Variants in MAGI1 observed in about 807,000 individuals in gnomAD.
MAGI1 encodes the protein membrane-associated guanylate kinase, WW and PDZ domain-containing protein 1.
In MAGI1, 58 loss-of-function variants were observed where a neutral mutation model predicts 139.9. That is an observed-to-expected ratio of 0.41 (90% confidence interval 0.34 to 0.52). The LOEUF (loss-of-function observed/expected upper bound fraction) is 0.52. Ranked by LOEUF, MAGI1 falls within the 20% of genes least tolerant of loss-of-function variation. MAGI1 has a pLI of 0.12. For synonymous variants in MAGI1, 812 were observed against 737.9 expected (o/e 1.10, Z -1.63); for missense variants, 1,874 against 1,901.6 (o/e 0.99, Z 0.27).
chr3:65,969,607 G>T (rs1345027656), intron 1 of MAGI1, among the ~76,000 whole-genome samples: 1 of 152,134 alleles, frequency 6.6e-6, no homozygotes, highest in Non-Finnish European at 1.5e-5. Flanking sequence ...GCACTCACAA[G>T]GTGACCCCTT....
intron 1 of MAGI1, among the ~76,000 whole-genome samples, chr3:65,637,657 GTTGAGAT>G (rs1396220536): frequency 1.3e-5 from 2 of 152,176 alleles, no homozygotes; most frequent in Non-Finnish European, 2.9e-5. Context: ...ATTCCAAATT[GTTGAGAT>G]TTGATATGCA....
At chr3:65,717,964 A>G (rs893299715) in intron 1 of MAGI1, among the ~76,000 whole-genome samples, 1 of 152,126 alleles carries the variant, frequency 6.6e-6, no homozygotes, top group Non-Finnish European at 1.5e-5. Context: ...TTTTCCCCCA[A>G]GCTTCTACTA....
At chr3:65,981,616 C>T (rs139526773) in intron 1 of MAGI1, among the ~76,000 whole-genome samples, 1 of 152,286 alleles carries the variant, frequency 6.6e-6, no homozygotes, top group Non-Finnish European at 1.5e-5. Context: ...TGAATTGTAG[C>T]TCCCATAATT....
chr3:65,413,622 A>C (rs1945967287), intron 12 of MAGI1, among the ~76,000 whole-genome samples: 1 of 152,202 alleles, frequency 6.6e-6, no homozygotes. Context: ...GACTATGTCA[A>C]TTTCTAATGA....
At chr3:66,016,259 T>C (rs547043780) in intron 1 of MAGI1, among the ~76,000 whole-genome samples, 10 of 152,320 alleles carry the variant, frequency 6.6e-5, no homozygotes, top group South Asian at 2.1e-4. Context: ...CATCATTTCA[T>C]TGAATCCCTG....
chr3:66,023,183 T>C (rs1032973137), intron 1 of MAGI1, among the ~76,000 whole-genome samples: 2 of 152,156 alleles, frequency 1.3e-5, no homozygotes, highest in African/African-American at 4.8e-5. Context: ...TAGAATATCC[T>C]ATCTAAAATT....
intron 1 of MAGI1, among the ~76,000 whole-genome samples, chr3:65,752,299 T>G (rs985890759): frequency 6.6e-6 from 1 of 152,158 alleles, no homozygotes. Context: ...GTTGTTTACT[T>G]TAATATGGTG....
At chr3:65,439,792 C>G in intron 9 of MAGI1, 87 bp downstream of exon 9, 2 of 1,592,492 alleles carry the variant, frequency 1.3e-6, no homozygotes, top group Non-Finnish European at 8.5e-7. Context: ...ATCATCGAGG[C>G]CAGTTCTGAC....
chr3:65,858,127 A>AAACAAACG (rs146202107), intron 1 of MAGI1, among the ~76,000 whole-genome samples: 1 of 151,854 alleles, frequency 6.6e-6, no homozygotes, highest in Non-Finnish European at 1.5e-5. Flanking sequence ...ACAAACAAAC[A>AAACAAACG]AAAATAATAT....
chr3:65,639,396 A>G (rs1389059624), intron 1 of MAGI1, among the ~76,000 whole-genome samples: 2 of 152,186 alleles, frequency 1.3e-5, no homozygotes, highest in Non-Finnish European at 2.9e-5. Flanking sequence ...AGAAAACAAA[A>G]TAACGAAATA....
intron 2 of MAGI1, among the ~76,000 whole-genome samples, chr3:65,596,735 C>G (rs2082222196): frequency 6.6e-6 from 1 of 152,160 alleles, no homozygotes; most frequent in African/African-American, 2.4e-5. Context: ...ATCCCCCAGC[C>G]TTCCGGGTTT....
chr3:65,930,779 A>G (rs1200757765), intron 1 of MAGI1, among the ~76,000 whole-genome samples: 1 of 152,164 alleles, frequency 6.6e-6, no homozygotes, highest in Non-Finnish European at 1.5e-5. Context: ...ATTATAATGC[A>G]TTAGAAGGCT....
chr3:65,556,772 G>A (rs1274105836), intron 2 of MAGI1, among the ~76,000 whole-genome samples: 1 of 152,118 alleles, frequency 6.6e-6, no homozygotes, highest in Admixed American at 6.5e-5. Context: ...AAGTAAATCT[G>A]ACTATGTCAT....
At chr3:65,872,171 G>C (rs534263654) in intron 1 of MAGI1, among the ~76,000 whole-genome samples, 24 of 152,274 alleles carry the variant, frequency 1.6e-4, no homozygotes, top group Non-Finnish European at 2.9e-4. Context: ...ACTAGCAATG[G>C]AAAGCCCTTG....
intron 13 of MAGI1, among the ~76,000 whole-genome samples, chr3:65,393,206 G>A (rs1335796694): frequency 6.6e-6 from 1 of 152,146 alleles, no homozygotes. Context: ...AAATGTAAAT[G>A]ATGGATACCA....
chr3:65,931,431 C>T lies in MAGI1; in HGVS notation c.313+106565G>A, dbSNP rs139228086. Among the ~76,000 whole-genome samples, 74 of 152,246 alleles carry T rather than the reference C, an allele frequency of 4.9e-4. 1 individual carries two copies. The highest frequency in any genetic ancestry group is 1.7e-3 in the African/African-American group (70 of 41,550). On this transcript the variant is annotated intron_variant, in intron 1 of 22. Transcript: ENST00000402939. ...CCTCTCTTGAGGTCTAGATCGAGAC[C>T]CCTTTCCAGTAACAGCTTGAACACA...
intron 2 of MAGI1, among the ~76,000 whole-genome samples, chr3:65,618,522 G>A (rs2083490640): frequency 6.6e-6 from 1 of 151,830 alleles, no homozygotes; most frequent in Non-Finnish European, 1.5e-5. Flanking sequence ...CAGATAAAAC[G>A]TCATTATTTT....
intron 1 of MAGI1, among the ~76,000 whole-genome samples, chr3:65,808,073 C>T (rs2040986814): frequency 6.6e-6 from 1 of 151,622 alleles, no homozygotes; most frequent in Non-Finnish European, 1.5e-5. Context: ...GCAACCTCTG[C>T]CTCCCAGATT....
Position 66,032,502 on chromosome 3 carries a change from G to A in MAGI1, c.313+5494C>T, listed in dbSNP as rs1293451725. 2.0e-5 allele frequency among the ~76,000 whole-genome samples: 3 copies of A among 150,238 alleles called. No individual in the cohort carries two copies. In the South Asian group the frequency reaches 6.4e-4, roughly 32 times the overall value. On this transcript the variant is annotated intron_variant, in intron 1 of 22. Coordinates refer to ENST00000402939, the MANE Select transcript of MAGI1 (RefSeq NM_001033057.2). ...CCCAAAGTGCTGGGATTACAGGCATGAGCCACCACGCCTGGCCCTGCTGGG... is the reference window on the plus strand; with the variant it reads ...CCCAAAGTGCTGGGATTACAGGCATAAGCCACCACGCCTGGCCCTGCTGGG...
Sources: gnomAD v4.1 joint callset for allele counts (sites outside exome capture counted in the v4.1 genomes callset) on GRCh38, gnomAD v4.1.1 for gene constraint, MANE v1.5 for transcripts, NCBI Gene and HGNC (gene_info 2026-07-23, HGNC 2026-07-21) for gene names.